Variants in KANK4 observed in about 807,000 individuals in gnomAD.
KANK4 encodes the protein KN motif and ankyrin repeat domain-containing protein 4.
A neutral mutation model predicts 80.8 loss-of-function variants in KANK4; 50 were observed. The observed-to-expected ratio is 0.62, with a 90% CI of 0.49 to 0.78. The LOEUF is 0.78. Ranked by LOEUF, KANK4 falls within the 30% of genes least tolerant of loss-of-function variation. KANK4 has a pLI of 0.00. For synonymous variants in KANK4, 465 were observed against 506.9 expected (o/e 0.92, Z 1.11); for missense variants, 1,196 against 1,240.1 (o/e 0.96, Z 0.53).
rs1470436113 is a variant in KANK4 at position 62,247,476 on chromosome 1, T to G, written c.2879A>C (p.Asp960Ala). 6.2e-7 allele frequency: 1 copy of G among 1,613,706 alleles called. No homozygotes were observed. Among genetic ancestry groups the G allele is most frequent in the Non-Finnish European group, 8.5e-7 (1 of 1,179,996 alleles). Reference sequence around the variant, plus strand: ...TTAATTGCCTGTAAGTCTCACCTTGTCAGTCAGGCTGCTGTCGCAGGCTGG... The same window carrying G: ...TTAATTGCCTGTAAGTCTCACCTTGGCAGTCAGGCTGCTGTCGCAGGCTGG... ...AHPACDSSLT[D>A]KAGRTALSIA... is the part of the protein sequence containing the mutation. The change falls in exon 9 of 10, where the codon GAC (aspartate) becomes GCC (alanine). Residue 960 changes from aspartate to alanine, a missense_variant. Transcript: ENST00000371153.
Position 62,273,781 on chromosome 1 carries a change from C to T in KANK4, c.1323G>A (p.Glu441=). 6.2e-7 allele frequency: 1 copy of T among 1,614,160 alleles called. No individual in the cohort carries two copies. The highest frequency in any genetic ancestry group is 1.1e-5 in the South Asian group (1 of 91,074). The change falls in exon 3 of 10, where the codon GAG becomes GAA. Residue 441 remains glutamate (E), a synonymous_variant. Coordinates refer to ENST00000371153, the MANE Select transcript of KANK4 (RefSeq NM_181712.5). ...GIEVNLLGSM[E]SESWGHRGEE... The stretch of plus-strand genomic sequence containing the variant: ...CTCCTCGGTGCCCCCAGCTTTCAGA[C>T]TCCATGCTGCCTAGAAGGTTGACTT...
chr1:62,271,765 T>C, intron 3 of KANK4, 176 bp from the exon 4 acceptor site: 1 of 561,740 alleles, frequency 1.8e-6, no homozygotes, highest in Non-Finnish European at 3.2e-6. Flanking sequence ...AGCCTTGCTT[T>C]CTGCTCAATG....
At chr1:62,290,992 C>T (rs183547485) in intron 1 of KANK4, among the ~76,000 whole-genome samples, 4 of 152,208 alleles carry the variant, frequency 2.6e-5, no homozygotes, top group East Asian at 3.9e-4. Context: ...CTTCATGATC[C>T]GCCTGCCTCG....
At chr1:62,313,201 G>A (rs1644511666) in intron 1 of KANK4, among the ~76,000 whole-genome samples, 1 of 152,154 alleles carries the variant, frequency 6.6e-6, no homozygotes. Flanking sequence ...TGTATGCATA[G>A]GAAAAAGCAT....
intron 8 of KANK4, among the ~76,000 whole-genome samples, chr1:62,248,781 G>A (rs1309055092): frequency 6.7e-6 from 1 of 149,700 alleles, no homozygotes; most frequent in Non-Finnish European, 1.5e-5. Flanking sequence ...CTGACCTCAG[G>A]TGATCCGCCT....
intron 1 of KANK4, among the ~76,000 whole-genome samples, chr1:62,309,351 C>A (rs1416537622): frequency 6.6e-6 from 1 of 152,178 alleles, no homozygotes; most frequent in Non-Finnish European, 1.5e-5. Flanking sequence ...CATATGAATT[C>A]TGGGAGGATA....
chr1:62,264,727 A>G (rs1247980348), intron 6 of KANK4, among the ~76,000 whole-genome samples: 3 of 152,244 alleles, frequency 2.0e-5, no homozygotes, highest in Non-Finnish European at 2.9e-5. Flanking sequence ...TTAATAAATC[A>G]GAGTATCTCC....
At chr1:62,266,850 T>A (rs1279371771) in intron 5 of KANK4, 31 bp from the exon 6 acceptor site, 1 of 1,270,088 alleles carries the variant, frequency 7.9e-7, no homozygotes, top group Non-Finnish European at 1.1e-6. Context: ...TACACATATT[T>A]ATATAATCAT....
rs553331271 is a variant in KANK4, at chr1:62,296,756, T to A, written c.-70-15122A>T. On this transcript the variant is annotated intron_variant, in intron 1 of 9. Transcript: ENST00000371153. ...TGTTTTGGCATGTTGTCCAGGCTGG[T>A]CTTGAACTACTGGGCTCAAGTGATC... 4.6e-5 allele frequency among the ~76,000 whole-genome samples: 7 copies of A among 151,894 alleles called. No homozygotes were observed. In the East Asian group the frequency reaches 1.4e-3, roughly 30 times the overall value.
chr1:62,309,603 G>C (rs1239346306), intron 1 of KANK4, among the ~76,000 whole-genome samples: 1 of 152,186 alleles, frequency 6.6e-6, no homozygotes, highest in Non-Finnish European at 1.5e-5. Context: ...TTATTAACTA[G>C]TTATTATGTG....
chr1:62,278,328 C>T (rs113228878), intron 2 of KANK4, among the ~76,000 whole-genome samples: 451 of 13,346 alleles, frequency 0.034, 7 homozygotes, highest in African/African-American at 0.13. Flanking sequence ...TTTCTTCCTT[C>T]CTTCCTTCCT....
In KANK4 at chr1:62,256,017, G is replaced by C. The variant is rs1478744634; in HGVS notation, c.2540-2808C>G. Among the ~76,000 whole-genome samples, 3 of 152,178 alleles carry C rather than the reference G, an allele frequency of 2.0e-5. No individual in the cohort carries two copies. The East Asian group carries it at 5.8e-4, about 29-fold the overall frequency. On this transcript the variant is annotated intron_variant, in intron 7 of 9. Coordinates refer to ENST00000371153, the MANE Select transcript of KANK4 (RefSeq NM_181712.5). The stretch of plus-strand genomic sequence containing the variant: ...GGCCATGGGGCCACTTATGGCCCAG[G>C]ACAGCTTTGAATGTGGCCCAACACA...
intron 1 of KANK4, among the ~76,000 whole-genome samples, chr1:62,310,507 C>T (rs1296621225): frequency 6.6e-6 from 1 of 152,128 alleles, no homozygotes; most frequent in African/African-American, 2.4e-5. Flanking sequence ...GGCAAATTCC[C>T]TGAAAGGGGG....
chr1:62,277,237 A>T (rs1197697783), intron 2 of KANK4, among the ~76,000 whole-genome samples: 1 of 152,012 alleles, frequency 6.6e-6, no homozygotes, highest in Admixed American at 6.6e-5. Context: ...CTGCAGAATT[A>T]TTTTTTTTGG....
rs1671246484 is a variant in KANK4 at position 62,238,070 on chromosome 1, C to T, written c.*207G>A. 2 of 510,946 alleles carry T rather than the reference C, an allele frequency of 3.9e-6. No homozygotes were observed. The highest frequency in any genetic ancestry group is 3.6e-6 in the Non-Finnish European group (1 of 277,828). The allele number at this position is 510,946 out of a possible 1,614,324, so 31.7% of individuals were successfully genotyped here. On this transcript the variant is annotated 3_prime_UTR_variant, in exon 10 of 10. Coordinates refer to ENST00000371153, the MANE Select transcript of KANK4 (RefSeq NM_181712.5). ...GCACCTTGAACCCTGCTCTGAAGCC[C>T]GTGTAGTTTTCAGGCTTGGCCTAAG...
intron 2 of KANK4, among the ~76,000 whole-genome samples, chr1:62,279,229 CACACACACACACAG>C (rs996951916): frequency 1.6e-4 from 24 of 151,832 alleles, no homozygotes; most frequent in African/African-American, 5.6e-4. Flanking sequence ...CACACACACA[CACACACACACACAG>C]AGTGATCCAT....
chr1:62,243,667 G>T lies in KANK4; in HGVS notation c.2883+3805C>A, dbSNP rs139422110. On this transcript the variant is annotated intron_variant, in intron 9 of 9. Transcript: ENST00000371153. ...TAATTGTTAATTCTTTGCTGTTCCT[G>T]TGCGTTGTAGGATGTTTAGCTGTAT... Among the ~76,000 whole-genome samples the T allele has an allele frequency of 4.1e-3, 618 of 152,246 alleles. 1 individual carries two copies. Among genetic ancestry groups the T allele is most frequent in the Non-Finnish European group, 6.0e-3 (406 of 68,020 alleles).
chr1:62,268,826 C>T (rs1672091556), intron 4 of KANK4, among the ~76,000 whole-genome samples: 1 of 152,254 alleles, frequency 6.6e-6, no homozygotes, highest in African/African-American at 2.4e-5. Context: ...GTTCGGTGAT[C>T]TAGACAGGCC....
intron 7 of KANK4, among the ~76,000 whole-genome samples, chr1:62,257,557 CA>C (rs2149128056): frequency 6.6e-6 from 1 of 152,332 alleles, no homozygotes; most frequent in Admixed American, 6.5e-5. Flanking sequence ...GTTGAGCCGG[CA>C]GAGGTGCACT....
Sources: gnomAD v4.1 joint callset for allele counts (sites outside exome capture counted in the v4.1 genomes callset) on GRCh38, gnomAD v4.1.1 for gene constraint, MANE v1.5 for transcripts, NCBI Gene and HGNC (gene_info 2026-07-23, HGNC 2026-07-21) for gene names.